The following CELF2 variants were observed in gnomAD, a reference collection of about 807,000 sequenced individuals.
The protein encoded by CELF2 is CUGBP Elav-like family member 2, also known as CUG triplet repeat RNA-binding protein 2.
A neutral mutation model predicts 62.6 loss-of-function variants in CELF2; 8 were observed. The observed-to-expected ratio is 0.13, with a 90% CI of 0.07 to 0.23. CELF2 has a LOEUF of 0.23. Among genes scored for constraint, CELF2 ranks in the 10% least tolerant of loss-of-function variants. The pLI is 1.00. For missense variants in CELF2, 333 were observed against 671.0 expected (o/e 0.50, Z 5.56); for synonymous variants, 258 against 250.0 (o/e 1.03, Z -0.30).
intron 1 of CELF2, among the ~76,000 whole-genome samples, chr10:11,041,102 G>A (rs2061765316): frequency 6.6e-6 from 1 of 152,238 alleles, no homozygotes; most frequent in South Asian, 2.1e-4. Flanking sequence ...GCAGAGGGCT[G>A]CCTTCTAGCT....
At chr10:10,508,091 G>T in the CELF2 span, among the ~76,000 whole-genome samples, 2 of 152,046 alleles carry the variant, frequency 1.3e-5, no homozygotes, top group Non-Finnish European at 2.9e-5. Flanking sequence ...GAACAACTTG[G>T]GGATACTATC....
At chr10:10,804,957 C>G (rs547354751) in intron 1 of CELF2, among the ~76,000 whole-genome samples, 1 of 152,260 alleles carries the variant, frequency 6.6e-6, no homozygotes, top group East Asian at 1.9e-4. Flanking sequence ...ATGTATAGAG[C>G]CAGAAAAGGT....
intron 2 of CELF2, among the ~76,000 whole-genome samples, chr10:11,186,490 A>T (rs926285422): frequency 6.6e-6 from 1 of 152,080 alleles, no homozygotes; most frequent in African/African-American, 2.4e-5. Context: ...GTACCATTTT[A>T]CCTACATCCA....
intron 1 of CELF2, among the ~76,000 whole-genome samples, chr10:10,859,044 C>A (rs933183815): frequency 2.6e-5 from 4 of 152,090 alleles, no homozygotes; most frequent in Admixed American, 6.6e-5. Context: ...TTTCAGAGGA[C>A]AAATTCAAAA....
In CELF2 at chr10:11,288,531, C is replaced by T. The variant is rs1340053617; in HGVS notation, c.955C>T (p.Leu319=). ...ANPLSTTSSA[L]GALTSPVAAS... Reference sequence around the variant, plus strand: ...CCCTCTCTCTACCACGAGCAGCGCCCTGGGAGCCCTCACGAGTCCCGGTGA... The same window carrying T: ...CCCTCTCTCTACCACGAGCAGCGCCTTGGGAGCCCTCACGAGTCCCGGTGA... Residue 319 remains leucine (L), a synonymous_variant, in exon 9 of 13, where the codon CTG becomes TTG. Transcript: ENST00000633077. The T allele has an allele frequency of 1.6e-5, 26 of 1,613,914 alleles. No homozygotes were observed. Among genetic ancestry groups the T allele is most frequent in the Non-Finnish European group, 2.2e-5 (26 of 1,180,026 alleles).
intron 1 of CELF2, among the ~76,000 whole-genome samples, chr10:10,811,829 G>A (rs558821138): frequency 6.6e-6 from 1 of 152,142 alleles, no homozygotes; most frequent in African/African-American, 2.4e-5. Flanking sequence ...TGTTGAGTCT[G>A]TGGTTTTTAT....
chr10:11,238,570 T>A (rs2072479588), intron 3 of CELF2, among the ~76,000 whole-genome samples: 1 of 152,224 alleles, frequency 6.6e-6, no homozygotes, highest in Non-Finnish European at 1.5e-5. Context: ...AGGGAAGAAC[T>A]AAAGTATTAT....
Position 10,869,567 on chromosome 10 carries a change from G to GT in CELF2, c.54-50397_54-50396insT, listed in dbSNP as rs2060603559. ...GTGACAGAGTGAGACTTCATCTGGG[G>GT]GAAAAAAAAATGGAAACAACAAATG... On this transcript the variant is annotated intron_variant, in intron 1 of 13. Transcript: ENST00000636488. Among the ~76,000 whole-genome samples, 4 of 94,224 alleles carry GT rather than the reference G, an allele frequency of 4.2e-5. No individual in the cohort carries two copies. In the East Asian group the frequency reaches 7.9e-3, roughly 186 times the overall value. The allele number at this position is 94,224 out of a possible 152,430, so 61.8% of individuals were successfully genotyped here.
the CELF2 span, among the ~76,000 whole-genome samples, chr10:10,607,262 A>G: frequency 6.6e-6 from 1 of 152,168 alleles, no homozygotes; most frequent in African/African-American, 2.4e-5. Context: ...TTGTTCAGGA[A>G]TTTCATTTTT....
At chr10:10,829,351 C>T (rs776129233) in intron 1 of CELF2, among the ~76,000 whole-genome samples, 5 of 152,082 alleles carry the variant, frequency 3.3e-5, no homozygotes, top group Admixed American at 6.5e-5. Flanking sequence ...ATCCATAATC[C>T]GGGAGTTAGG....
chr10:10,822,896 T>A (rs1438516524), intron 1 of CELF2, among the ~76,000 whole-genome samples: 1 of 152,254 alleles, frequency 6.6e-6, no homozygotes, highest in African/African-American at 2.4e-5. Flanking sequence ...ACTAATGCAT[T>A]CCAAAGAATC....
chr10:11,149,651 A>G (rs1368493264), intron 1 of CELF2, among the ~76,000 whole-genome samples: 1 of 152,136 alleles, frequency 6.6e-6, no homozygotes, highest in African/African-American at 2.4e-5. Flanking sequence ...CTCTGCTCTC[A>G]CTGACTTTCT....
At chr10:10,787,576 C>T in the CELF2 span, among the ~76,000 whole-genome samples, 1 of 152,140 alleles carries the variant, frequency 6.6e-6, no homozygotes, top group African/African-American at 2.4e-5. Flanking sequence ...AGAAGACACC[C>T]GAAGGCAGAG....
chr10:11,109,572 A>G (rs1391981983), intron 1 of CELF2, among the ~76,000 whole-genome samples: 1 of 152,226 alleles, frequency 6.6e-6, no homozygotes, highest in Non-Finnish European at 1.5e-5. Flanking sequence ...AAAGACAGAC[A>G]TAGGACTGTG....
Position 11,159,274 on chromosome 10 carries a change from A to G in CELF2, c.75-6212A>G, listed in dbSNP as rs940098291. Among the ~76,000 whole-genome samples the G allele has an allele frequency of 6.6e-6, 1 of 152,232 alleles. No individual in the cohort carries two copies. Among genetic ancestry groups the G allele is most frequent in the Middle Eastern group, 3.2e-3 (1 of 316 alleles). Reference sequence around the variant, plus strand: ...TAACTGATAACCAAAACATTTTGTTAAATTTACCCAAAGTTTTCAGCAGCC... The same window carrying G: ...TAACTGATAACCAAAACATTTTGTTGAATTTACCCAAAGTTTTCAGCAGCC... On this transcript the variant is annotated intron_variant, in intron 1 of 12. Transcript: ENST00000633077. This position sits in a 1 kb window ranked among gnomAD's most constrained non-coding sequence, Gnocchi z 5.0.
Position 11,028,071 on chromosome 10 carries a change from T to G in CELF2, c.74+9908T>G, listed in dbSNP as rs1188736417. Among the ~76,000 whole-genome samples the G allele has an allele frequency of 2.6e-5, 4 of 152,216 alleles. No homozygotes were observed. The East Asian group carries it at 5.8e-4, about 22-fold the overall frequency. ...TCTCAGGCAAAGACCCATAAAGCAT[T>G]GTTGCTCCCAAGTGAACTTTCAGAA... On this transcript the variant is annotated intron_variant, in intron 1 of 12. Coordinates refer to ENST00000633077, the MANE Select transcript of CELF2 (RefSeq NM_001326342.2).
chr10:11,298,235 C>T (rs1345163167), intron 9 of CELF2, among the ~76,000 whole-genome samples: 1 of 152,176 alleles, frequency 6.6e-6, no homozygotes, highest in African/African-American at 2.4e-5. Flanking sequence ...TTCTGAGGGT[C>T]GGGTCACATG....
chr10:10,849,394 A>T (rs1194163013), intron 1 of CELF2, among the ~76,000 whole-genome samples: 1 of 152,054 alleles, frequency 6.6e-6, no homozygotes, highest in African/African-American at 2.4e-5. Flanking sequence ...GTGACAGAGC[A>T]AGACTCCATC....
At chr10:10,971,675 C>T (rs2050771053) in intron 2 of CELF2, among the ~76,000 whole-genome samples, 1 of 152,198 alleles carries the variant, frequency 6.6e-6, no homozygotes, top group Non-Finnish European at 1.5e-5. Flanking sequence ...CAAACTGTGC[C>T]TCCCAGGTTC....
Sources: allele counts gnomAD v4.1 joint callset (sites outside exome capture counted in the v4.1 genomes callset), GRCh38; gene constraint gnomAD v4.1.1; non-coding constraint Gnocchi (gnomAD v3.1); transcripts MANE v1.5; gene names NCBI Gene and HGNC (gene_info 2026-07-23, HGNC 2026-07-21).